The following SIX4 variants were observed in gnomAD, a reference collection of about 807,000 sequenced individuals.
The protein encoded by SIX4 is SIX homeobox 4, also known as homeobox protein SIX4.
In SIX4, 23 loss-of-function variants were observed where a neutral mutation model predicts 51.5. That is an observed-to-expected ratio of 0.45 (90% CI 0.32 to 0.63). The LOEUF (loss-of-function observed/expected upper bound fraction) is 0.63, where lower values mean the gene tolerates loss of function less well. SIX4 is among the 30% of genes least tolerant of loss of function. The pLI is 0.04. For missense variants in SIX4, 867 were observed against 984.0 expected, an observed-to-expected ratio of 0.88 and a Z score of 1.59; for synonymous variants, 413 against 417.3, an observed-to-expected ratio of 0.99 and a Z score of 0.13.
chr14:60,712,331 A>G lies in SIX4; in HGVS notation c.*1076T>C, dbSNP rs1895838472. ...AGATTTAAAGCAATTTTGTGGTGAA[A>G]TTAACCCTGTTAGATAGTAGAAAAG... On this transcript the variant is annotated 3_prime_UTR_variant, in exon 3 of 3. Transcript: ENST00000216513. 6.6e-6 allele frequency: 1 copy of G among 152,622 alleles called. No homozygotes were observed. The highest frequency in any genetic ancestry group is 1.5e-5 in the Non-Finnish European group (1 of 68,032). 9.5% of individuals were successfully genotyped at this position (152,622 alleles called of 1,614,324 possible).
chr14:60,723,635 C>T lies in SIX4; in HGVS notation c.440G>A (p.Ser147Asn). 1 of 1,603,108 alleles carries T rather than the reference C, an allele frequency of 6.2e-7. No homozygotes were observed. Among genetic ancestry groups the T allele is most frequent in the East Asian group, 2.3e-5 (1 of 44,268 alleles). The change falls in exon 1 of 3, where the codon AGC becomes AAC. Residue 147 changes from serine to asparagine, a missense_variant. Transcript: ENST00000216513. ...PQSDLLRGNESLLKARALVAF... is the reference protein window; with the variant it reads ...PQSDLLRGNENLLKARALVAF... ...CACGAGCGCCCGCGCCTTCAGCAGG[C>T]TCTCGTTGCCACGTAGCAGGTCGCT...
rs1265235436 is a variant in SIX4 at position 60,719,722 on chromosome 14, A to G, written c.1549+38T>C. On this transcript the variant is annotated intron_variant, in intron 2 of 2. Coordinates refer to ENST00000216513, the MANE Select transcript of SIX4 (RefSeq NM_017420.5). This position sits in a 1 kb window ranked among gnomAD's most constrained non-coding sequence, Gnocchi z 4.9. The stretch of plus-strand genomic sequence containing the variant: ...GTCACTTACAGCAGCTGATGAACAC[A>G]TTTGCTGGTGCATTAAGGTACCAAA... The G allele has an allele frequency of 6.3e-7, 1 of 1,591,530 alleles. No homozygotes were observed. The highest frequency in any genetic ancestry group is 1.3e-5 in the African/African-American group (1 of 74,512).
In SIX4 at chr14:60,711,915, C is replaced by T. The variant is rs1272085073; in HGVS notation, c.*1492G>A. On this transcript the variant is annotated 3_prime_UTR_variant, in exon 3 of 3. Transcript: ENST00000216513. ...GACTAGAGAGCAACTTTACTCACTA[C>T]ATAAATTTATTTGCATTGTTACATC... 6.6e-6 allele frequency: 1 copy of T among 152,524 alleles called. No homozygotes were observed. Among genetic ancestry groups the T allele is most frequent in the African/African-American group, 2.4e-5 (1 of 41,404 alleles). 9.4% of individuals were successfully genotyped at this position (152,524 alleles called of 1,614,324 possible).
chr14:60,721,718 G>A (rs1359095595), intron 1 of SIX4, among the ~76,000 whole-genome samples: 2 of 152,242 alleles, frequency 1.3e-5, no homozygotes, highest in Non-Finnish European at 2.9e-5. Flanking sequence ...GGAGGCGGCG[G>A]AGCAGCTGGC....
Position 60,714,209 on chromosome 14 carries a change from A to C in SIX4, c.1550-6T>G. ...TGAGCTTACTGAGATATTACCTAAA[A>C]AAAATAAAGTACTGATTATCACTGA... On this transcript the variant is annotated splice_region_variant and splice_polypyrimidine_tract_variant and intron_variant, in intron 2 of 2. Coordinates refer to ENST00000216513, the MANE Select transcript of SIX4 (RefSeq NM_017420.5). 6.4e-7 allele frequency: 1 copy of C among 1,561,866 alleles called. No homozygotes were observed. Among genetic ancestry groups the C allele is most frequent in the Non-Finnish European group, 8.6e-7 (1 of 1,164,802 alleles).
In SIX4 at chr14:60,719,199, T is replaced by C. The variant is rs539840030; in HGVS notation, c.1549+561A>G. On this transcript the variant is annotated intron_variant, in intron 2 of 2. Coordinates refer to ENST00000216513, the MANE Select transcript of SIX4 (RefSeq NM_017420.5). This position sits in a 1 kb window ranked among gnomAD's most constrained non-coding sequence, Gnocchi z 4.9. The stretch of plus-strand genomic sequence containing the variant: ...CCCACACATTTAGGGGGTTAGTATA[T>C]ATGCTGAGCGATAGAAATCCAATGG... Among the ~76,000 whole-genome samples the C allele has an allele frequency of 6.6e-6, 1 of 152,312 alleles. No individual in the cohort carries two copies. Among genetic ancestry groups the C allele is most frequent in the East Asian group, 1.9e-4 (1 of 5,186 alleles).
rs763339258 is a variant in SIX4, at chr14:60,724,212, G to A, written c.-138C>T. On this transcript the variant is annotated 5_prime_UTR_variant, in exon 1 of 3. Coordinates refer to ENST00000216513, the MANE Select transcript of SIX4 (RefSeq NM_017420.5). ...AGCCCACTCCCTCCCTCCTGGTTTC[G>A]GCTGTATCTGGCCGATCAGGTTTCC... 1.0e-5 allele frequency: 16 copies of A among 1,552,446 alleles called. No individual in the cohort carries two copies. Among genetic ancestry groups the A allele is most frequent in the Non-Finnish European group, 1.4e-5 (16 of 1,156,080 alleles).
At chr14:60,723,187 G>C in intron 1 of SIX4, 25 bp downstream of exon 1, 6 of 1,557,278 alleles carry the variant, frequency 3.9e-6, no homozygotes, top group Non-Finnish European at 4.4e-6. Context: ...GAGGAAGGGG[G>C]AGGAGGAGGA....
rs1216555507 is a variant in SIX4, at chr14:60,723,204, G to A, written c.863+8C>T. 7.5e-6 allele frequency: 12 copies of A among 1,596,732 alleles called. No individual in the cohort carries two copies. The highest frequency in any genetic ancestry group is 9.4e-6 in the Non-Finnish European group (11 of 1,171,856). On this transcript the variant is annotated splice_region_variant and intron_variant, in intron 1 of 2. Coordinates refer to ENST00000216513, the MANE Select transcript of SIX4 (RefSeq NM_017420.5). ...GGAAGGGGGAGGAGGAGGAAAGTTGGCGCTCACCTTTTGGACTGGGTCTCG... is the reference window on the plus strand; with the variant it reads ...GGAAGGGGGAGGAGGAGGAAAGTTGACGCTCACCTTTTGGACTGGGTCTCG...
Position 60,720,839 on chromosome 14 carries a change from T to A in SIX4, c.864-394A>T, listed in dbSNP as rs113313993. The A allele has an allele frequency of 1.9e-6, 1 of 527,590 alleles. No individual in the cohort carries two copies. Among genetic ancestry groups the A allele is most frequent in the African/African-American group, 2.1e-5 (1 of 48,578 alleles). 32.7% of individuals were successfully genotyped at this position (527,590 alleles called of 1,614,324 possible). ...AATGAGGTGGTCGGTCTTTCCTGTT[T>A]AGGAACTCCTTCCCCTCCCCTCAAA... On this transcript the variant is annotated intron_variant, in intron 1 of 2. Transcript: ENST00000216513. This position sits in a 1 kb window ranked among gnomAD's most constrained non-coding sequence, Gnocchi z 5.5.
intron 1 of SIX4, 35 bp downstream of exon 1, chr14:60,723,177 G>T: frequency 6.6e-7 from 1 of 1,523,588 alleles, no homozygotes. Context: ...GGGTGGGGGA[G>T]AGGAAGGGGG....
chr14:60,723,186 G>T, intron 1 of SIX4, 26 bp downstream of exon 1: 1 of 1,575,190 alleles, frequency 6.3e-7, no homozygotes, highest in Non-Finnish European at 8.6e-7. Flanking sequence ...AGAGGAAGGG[G>T]GAGGAGGAGG....
chr14:60,721,100 C>A, intron 1 of SIX4: 2 of 985,498 alleles, frequency 2.0e-6, no homozygotes, highest in Non-Finnish European at 2.4e-6. Flanking sequence ...CCTTTGAATC[C>A]AAAGGAAGCC....
Position 60,719,695 on chromosome 14 carries a change from G to T in SIX4, c.1549+65C>A. On this transcript the variant is annotated intron_variant, in intron 2 of 2. Transcript: ENST00000216513. The surrounding 1 kb of genome is among the most constrained non-coding windows in gnomAD (Gnocchi z 4.9). ...CATCAATCTATAGCTATCACCAAAT[G>T]CGTCACTTACAGCAGCTGATGAACA... 1 of 1,501,824 alleles carries T rather than the reference G, an allele frequency of 6.7e-7. No homozygotes were observed. The allele number at this position is 1,501,824 out of a possible 1,614,324, so 93.0% of individuals were successfully genotyped here.
rs1489651934 is a variant in SIX4, at chr14:60,722,042, A to G, written c.863+1170T>C. ...AGGGCGGGCTGAGACCGGCTCTGGA[A>G]TGCGCTGGTGATCACCTTCACCTGG... On this transcript the variant is annotated intron_variant, in intron 1 of 2. Transcript: ENST00000216513. The surrounding 1 kb of genome is among the most constrained non-coding windows in gnomAD (Gnocchi z 5.9). Among the ~76,000 whole-genome samples, 1 of 152,178 alleles carries G rather than the reference A, an allele frequency of 6.6e-6. No individual in the cohort carries two copies. The highest frequency in any genetic ancestry group is 1.5e-5 in the Non-Finnish European group (1 of 68,008).
Position 60,720,188 on chromosome 14 carries a change from C to A in SIX4, c.1121G>T (p.Ser374Ile). Residue 374 changes from serine (S) to isoleucine (I), a missense_variant, in exon 2 of 3, where the codon AGT (serine) becomes ATT (isoleucine). Coordinates refer to ENST00000216513, the MANE Select transcript of SIX4 (RefSeq NM_017420.5). This position sits in a 1 kb window ranked among gnomAD's most constrained non-coding sequence, Gnocchi z 5.5. ...LNGNSFIQGP[S>I]GVILNGLNVG... ...ATTTAATCCATTAAGGATAACTCCA[C>A]TGGGTCCCTGAATAAAAGAATTTCC... 1.2e-6 allele frequency: 2 copies of A among 1,614,254 alleles called. No homozygotes were observed. Among genetic ancestry groups the A allele is most frequent in the East Asian group, 2.2e-5 (1 of 44,890 alleles).
chr14:60,719,231 C>T lies in SIX4; in HGVS notation c.1549+529G>A, dbSNP rs1365515080. Among the ~76,000 whole-genome samples the T allele has an allele frequency of 6.6e-6, 1 of 152,112 alleles. No homozygotes were observed. Among genetic ancestry groups the T allele is most frequent in the African/African-American group, 2.4e-5 (1 of 41,416 alleles). ...AGCGATAGAAATCCAATGGCATATT[C>T]CTCTGATTTTCTTTTAGGTCTGTTA... On this transcript the variant is annotated intron_variant, in intron 2 of 2. Transcript: ENST00000216513. The surrounding 1 kb of genome is among the most constrained non-coding windows in gnomAD (Gnocchi z 4.9).
At chr14:60,718,729 A>G (rs573524067) in intron 2 of SIX4, among the ~76,000 whole-genome samples, 2 of 152,344 alleles carry the variant, frequency 1.3e-5, no homozygotes, top group African/African-American at 4.8e-5. Context: ...GTACAGAATG[A>G]AATTTAGAAC....
At chr14:60,721,675 G>C (rs1177627035) in intron 1 of SIX4, among the ~76,000 whole-genome samples, 1 of 152,152 alleles carries the variant, frequency 6.6e-6, no homozygotes, top group Non-Finnish European at 1.5e-5. Flanking sequence ...TGGAGCGTGG[G>C]GGAGTCCCAG....
Sources: allele counts gnomAD v4.1 joint callset (sites outside exome capture counted in the v4.1 genomes callset), GRCh38; gene constraint gnomAD v4.1.1; non-coding constraint Gnocchi (gnomAD v3.1); transcripts MANE v1.5; gene names NCBI Gene and HGNC (gene_info 2026-07-23, HGNC 2026-07-21).